Variants in TEAD4 observed in about 807,000 individuals in gnomAD.
TEAD4 encodes TEA domain transcription factor 4.
TEAD4 carries 36 observed loss-of-function variants against 52.4 expected under a neutral mutation model. The ratio of observed to expected loss-of-function variants is 0.69; its 90% CI spans 0.53 to 0.91. The LOEUF (loss-of-function observed/expected upper bound fraction) is 0.91. Ranked by LOEUF, TEAD4 falls within the 40% of genes least tolerant of loss-of-function variation. The pLI is 0.00. For synonymous variants in TEAD4, 220 were observed against 231.0 expected, an observed-to-expected ratio of 0.95 and a Z score of 0.43; for missense variants, 508 against 583.9, an observed-to-expected ratio of 0.87 and a Z score of 1.34.
intron 3 of TEAD4, among the ~76,000 whole-genome samples, chr12:3,005,565 C>T (rs1046016244): frequency 2.0e-5 from 3 of 151,914 alleles, no homozygotes; most frequent in Non-Finnish European, 4.4e-5. Flanking sequence ...GGTGCAATCT[C>T]GGCTCACTGC....
chr12:2,968,622 C>T (rs1248014163), intron 2 of TEAD4, among the ~76,000 whole-genome samples: 1 of 151,578 alleles, frequency 6.6e-6, no homozygotes, highest in Admixed American at 6.6e-5. Context: ...CAGGATCTTG[C>T]TGTGTTTCCC....
chr12:2,993,520 G>A (rs1235768008), intron 2 of TEAD4, among the ~76,000 whole-genome samples: 1 of 152,008 alleles, frequency 6.6e-6, no homozygotes, highest in East Asian at 1.9e-4. Flanking sequence ...ACCCAGGCTG[G>A]AGTGCAGTGG....
At chr12:2,973,289 C>G (rs1312430289) in intron 2 of TEAD4, among the ~76,000 whole-genome samples, 3 of 152,052 alleles carry the variant, frequency 2.0e-5, no homozygotes, top group Non-Finnish European at 1.5e-5. Context: ...CTAGGCTGGT[C>G]TTGAACTCCT....
At chr12:3,020,385 G>C (rs552158859) in intron 8 of TEAD4, among the ~76,000 whole-genome samples, 1 of 24,682 alleles carries the variant, frequency 4.1e-5, no homozygotes, top group South Asian at 3.3e-3. Context: ...CTTGCTCGGC[G>C]GTTCCATGCA....
At chr12:3,016,184 C>T (rs904533014) in intron 5 of TEAD4, among the ~76,000 whole-genome samples, 1 of 152,116 alleles carries the variant, frequency 6.6e-6, no homozygotes. Flanking sequence ...CACACCACCA[C>T]ACCTGGCTAA....
intron 10 of TEAD4, among the ~76,000 whole-genome samples, chr12:3,035,906 T>C (rs2098279140): frequency 6.6e-6 from 1 of 151,626 alleles, no homozygotes; most frequent in African/African-American, 2.4e-5. Flanking sequence ...TATTTGCCTG[T>C]AAGACCTTCG....
rs1475521748 is a variant in TEAD4 at position 3,036,133 on chromosome 12, C to CT, written c.898-1828dup. Among the ~76,000 whole-genome samples, 8 of 152,250 alleles carry CT rather than the reference C, an allele frequency of 5.3e-5. No homozygotes were observed. In the East Asian group the frequency reaches 9.7e-4, roughly 18 times the overall value. ...CAGAGGCTGAGCATTGACACGAATG[C>CT]TTTTTTTCCCTAAAGGCCTCATCAA... is the stretch of plus-strand genomic sequence containing the variant. On this transcript the variant is annotated intron_variant, in intron 10 of 12. Transcript: ENST00000359864.
chr12:2,973,157 G>A (rs898616959), intron 2 of TEAD4, among the ~76,000 whole-genome samples: 12 of 152,076 alleles, frequency 7.9e-5, no homozygotes, highest in African/African-American at 2.9e-4. Flanking sequence ...CTGCAGCCTT[G>A]ACCACCCAGG....
intron 2 of TEAD4, among the ~76,000 whole-genome samples, chr12:2,969,017 C>T (rs2098222895): frequency 6.6e-6 from 1 of 152,168 alleles, no homozygotes. Flanking sequence ...TGGGTGCTGT[C>T]ATTTCTCATT....
intron 3 of TEAD4, among the ~76,000 whole-genome samples, chr12:2,998,575 T>C (rs557213083): frequency 4.6e-4 from 69 of 151,608 alleles, no homozygotes; most frequent in Middle Eastern, 6.8e-3. Flanking sequence ...GAGGCAGAGG[T>C]GCTGCTTCAC....
At chr12:3,006,584 T>C (rs1360174162) in intron 3 of TEAD4, among the ~76,000 whole-genome samples, 1 of 152,090 alleles carries the variant, frequency 6.6e-6, no homozygotes, top group Non-Finnish European at 1.5e-5. Flanking sequence ...CTTGGGAGGC[T>C]GAGGCAGGAG....
At chr12:3,033,167 C>T (rs961246213) in intron 10 of TEAD4, among the ~76,000 whole-genome samples, 8 of 152,196 alleles carry the variant, frequency 5.3e-5, no homozygotes, top group Non-Finnish European at 1.2e-4. Context: ...AGGACTTGTC[C>T]GTCTCCAGTC....
At chr12:3,037,258 G>T (rs1397517788) in intron 10 of TEAD4, among the ~76,000 whole-genome samples, 12 of 152,190 alleles carry the variant, frequency 7.9e-5, no homozygotes, top group Non-Finnish European at 2.9e-5. Flanking sequence ...GAAGTGACTT[G>T]ACTTCTGAAG....
chr12:2,960,406 C>T, intron 2 of TEAD4: 1 of 977,924 alleles, frequency 1.0e-6, no homozygotes. Flanking sequence ...TCGGGGGACC[C>T]CTGCAAAAGG....
chr12:3,040,384 C>T lies in TEAD4; in HGVS notation c.1211C>T (p.Thr404Ile). 1 of 1,614,200 alleles carries T rather than the reference C, an allele frequency of 6.2e-7. No homozygotes were observed. The highest frequency in any genetic ancestry group is 8.5e-7 in the Non-Finnish European group (1 of 1,180,034). The change falls in exon 13 of 13, where the codon ACA (threonine) becomes ATA (isoleucine). Residue 404 changes from threonine to isoleucine, a missense_variant. By Grantham distance (89) the Thr-to-Ile change is moderately conservative (BLOSUM62 -1). Transcript: ENST00000359864. ...CCACAGGTGGTCACCAACAGAGACACACAGGAGACCTTGCTGTGCATTGCC... is the reference window on the plus strand; with the variant it reads ...CCACAGGTGGTCACCAACAGAGACATACAGGAGACCTTGCTGTGCATTGCC...
intron 2 of TEAD4, among the ~76,000 whole-genome samples, chr12:2,962,399 G>A (rs2098216549): frequency 6.8e-6 from 1 of 148,040 alleles, no homozygotes; most frequent in South Asian, 2.1e-4. Context: ...GCGATGGTGC[G>A]ATCTCGGCTC....
intron 2 of TEAD4, among the ~76,000 whole-genome samples, chr12:2,975,715 A>G (rs1046230681): frequency 6.6e-6 from 1 of 151,922 alleles, no homozygotes; most frequent in African/African-American, 2.4e-5. Flanking sequence ...CATAGTTCAC[A>G]TTAGGGTCCC....
chr12:3,031,397 G>A (rs963633505), intron 10 of TEAD4, among the ~76,000 whole-genome samples: 2 of 152,238 alleles, frequency 1.3e-5, no homozygotes, highest in Non-Finnish European at 2.9e-5. Flanking sequence ...TGGGAACACT[G>A]CCTTGGAGCG....
chr12:3,038,163 G>C, intron 11 of TEAD4, 55 bp downstream of exon 11: 2 of 1,568,980 alleles, frequency 1.3e-6, no homozygotes, highest in Non-Finnish European at 1.7e-6. Flanking sequence ...TGTTTGCTGG[G>C]CATGGCTTCC....
Sources: gnomAD v4.1 joint callset for allele counts (sites outside exome capture counted in the v4.1 genomes callset) on GRCh38, gnomAD v4.1.1 for gene constraint, MANE v1.5 for transcripts, NCBI Gene and HGNC (gene_info 2026-07-23, HGNC 2026-07-21) for gene names.